EYA1: variants seen among roughly 807,000 people sequenced by gnomAD.
EYA1 encodes EYA transcriptional coactivator and phosphatase 1.
Under a neutral mutation model 82.0 loss-of-function variants are expected in EYA1, and 16 were observed. That is an observed-to-expected ratio of 0.20 (90% confidence interval 0.13 to 0.30). The LOEUF is 0.30. Ranked by LOEUF, EYA1 falls within the 10% of genes least tolerant of loss-of-function variation. The pLI is 1.00. For missense variants in EYA1, 633 were observed against 730.7 expected, an observed-to-expected ratio of 0.87 and a Z score of 1.54; for synonymous variants, 261 against 264.4, an observed-to-expected ratio of 0.99 and a Z score of 0.12.
chr8:71,239,955 C>G (rs112816987), intron 12 of EYA1, among the ~76,000 whole-genome samples: 1 of 152,100 alleles, frequency 6.6e-6, no homozygotes, highest in African/African-American at 2.4e-5. Context: ...TACTTGAAAT[C>G]GAAGTTTCTT....
chr8:71,222,349 C>A (rs1021089769), intron 12 of EYA1, among the ~76,000 whole-genome samples: 2 of 152,118 alleles, frequency 1.3e-5, no homozygotes, highest in Non-Finnish European at 2.9e-5. Flanking sequence ...GGCAAAGTTG[C>A]GATTATCCTC....
chr8:71,499,533 G>T (rs755367545), intron 2 of EYA1, among the ~76,000 whole-genome samples: 3 of 152,078 alleles, frequency 2.0e-5, no homozygotes, highest in Non-Finnish European at 4.4e-5. Flanking sequence ...TGTTACATGA[G>T]GCAAATGAAA....
intron 17 of EYA1, among the ~76,000 whole-genome samples, chr8:71,200,704 T>G (rs1243273049): frequency 6.6e-6 from 1 of 151,948 alleles, no homozygotes. Flanking sequence ...CTGTGTCAGG[T>G]GTAGAAGATA....
intron 12 of EYA1, among the ~76,000 whole-genome samples, chr8:71,238,858 CTTG>C (rs1264542450): frequency 1.3e-5 from 2 of 151,950 alleles, no homozygotes; most frequent in Admixed American, 6.6e-5. Context: ...GCATTCTTAT[CTTG>C]TTTTTACTTG....
chr8:71,398,544 A>C (rs1829767324), intron 2 of EYA1, among the ~76,000 whole-genome samples: 1 of 152,070 alleles, frequency 6.6e-6, no homozygotes. Flanking sequence ...GGTCTGTTGG[A>C]GTTTACTGGA....
chr8:71,409,992 C>T lies in EYA1; in HGVS notation c.34-53481G>A, dbSNP rs374365868. Among the ~76,000 whole-genome samples, 63 of 150,724 alleles carry T rather than the reference C, an allele frequency of 4.2e-4. 2 individuals are homozygous for T. The East Asian group carries it at 4.5e-3, about 11-fold the overall frequency. On this transcript the variant is annotated intron_variant, in intron 2 of 18. Transcript: ENST00000643681. ...AATCCTCAATAAAATACTGGCAAAC[C>T]GAATCCAGCAGCACATCAAAAAGCT...
At chr8:71,500,639 C>T (rs1476638638) in intron 2 of EYA1, among the ~76,000 whole-genome samples, 2 of 152,158 alleles carry the variant, frequency 1.3e-5, no homozygotes, top group East Asian at 1.9e-4. Flanking sequence ...TGACTATACA[C>T]AACTTCGATC....
intron 3 of EYA1, among the ~76,000 whole-genome samples, chr8:71,343,112 T>G (rs184616211): frequency 9.8e-5 from 15 of 152,294 alleles, no homozygotes; most frequent in African/African-American, 3.4e-4. Context: ...TGCCAACCTC[T>G]GACTGGTGAC....
intron 17 of EYA1, among the ~76,000 whole-genome samples, chr8:71,202,021 T>C (rs2128808867): frequency 6.6e-6 from 1 of 152,166 alleles, no homozygotes; most frequent in East Asian, 1.9e-4. Flanking sequence ...CTAGAAACTT[T>C]TAGGACAACC....
intron 2 of EYA1, among the ~76,000 whole-genome samples, chr8:71,501,176 A>C (rs1811782066): frequency 6.6e-6 from 1 of 152,262 alleles, no homozygotes; most frequent in Non-Finnish European, 1.5e-5. Flanking sequence ...TGGTATATTA[A>C]ATTTGGGTGG....
At chr8:71,445,913 G>A (rs570465781) in intron 2 of EYA1, among the ~76,000 whole-genome samples, 7 of 152,120 alleles carry the variant, frequency 4.6e-5, no homozygotes, top group African/African-American at 1.7e-4. Context: ...GTCTTACATC[G>A]TAACCTCCTT....
chr8:71,388,691 A>T (rs1007117141), intron 2 of EYA1, among the ~76,000 whole-genome samples: 2 of 152,160 alleles, frequency 1.3e-5, no homozygotes, highest in African/African-American at 4.8e-5. Context: ...TGACACTCTG[A>T]TGCTGAACCT....
chr8:71,374,423 C>T (rs1828250372), intron 2 of EYA1, among the ~76,000 whole-genome samples: 1 of 152,056 alleles, frequency 6.6e-6, no homozygotes, highest in African/African-American at 2.4e-5. Context: ...CAAATCAAAA[C>T]CACCATGAGA....
At chr8:71,254,439 A>G (rs1431044644) in intron 11 of EYA1, among the ~76,000 whole-genome samples, 1 of 152,150 alleles carries the variant, frequency 6.6e-6, no homozygotes, top group Non-Finnish European at 1.5e-5. Flanking sequence ...ACAGAAATAC[A>G]CAAGGTTTAT....
Position 71,244,650 on chromosome 8 carries a change from T to C in EYA1, c.1093A>G (p.Met365Val). ...SVSLGLRMEE[M>V]IFNLADTHLF... ...TGTGTGTCTGCCAAGTTGAAAATCA[T>C]TTCTTCCATTCGCAGTCCAAGGGAA... The change falls in exon 12 of 18, where the codon ATG becomes GTG. Residue 365 changes from methionine (M) to valine (V), a missense_variant. Transcript: ENST00000340726. 1.2e-6 allele frequency: 2 copies of C among 1,611,356 alleles called. No individual in the cohort carries two copies. The highest frequency in any genetic ancestry group is 2.7e-5 in the African/African-American group (2 of 75,010).
At chr8:71,337,178 C>T (rs1301562420) in intron 3 of EYA1, among the ~76,000 whole-genome samples, 1 of 152,154 alleles carries the variant, frequency 6.6e-6, no homozygotes, top group Non-Finnish European at 1.5e-5. Flanking sequence ...CATCTGAGAA[C>T]AACTATCCCA....
intron 7 of EYA1, among the ~76,000 whole-genome samples, chr8:71,313,076 G>A (rs1356682108): frequency 2.6e-5 from 4 of 152,126 alleles, no homozygotes; most frequent in Admixed American, 2.0e-4. Context: ...GCAAAGCTGA[G>A]TTTATTTTTT....
At chr8:71,242,648 A>T (rs1812612887) in intron 12 of EYA1, among the ~76,000 whole-genome samples, 1 of 152,146 alleles carries the variant, frequency 6.6e-6, no homozygotes, top group Non-Finnish European at 1.5e-5. Context: ...AATAAACAAA[A>T]ATCTGATTAT....
chr8:71,390,627 T>C (rs531933527), intron 2 of EYA1, among the ~76,000 whole-genome samples: 2 of 152,346 alleles, frequency 1.3e-5, no homozygotes, highest in East Asian at 3.9e-4. Context: ...CATTGCCATC[T>C]TTTTGTTTGA....
Sources: allele counts gnomAD v4.1 joint callset (sites outside exome capture counted in the v4.1 genomes callset), GRCh38; gene constraint gnomAD v4.1.1; transcripts MANE v1.5; gene names NCBI Gene and HGNC (gene_info 2026-07-23, HGNC 2026-07-21).